ASIC2: variants seen among roughly 807,000 people sequenced by gnomAD.
The protein encoded by ASIC2 is acid-sensing ion channel 2.
ASIC2 carries 25 observed loss-of-function variants against 57.3 expected under a neutral mutation model. That is an observed-to-expected ratio of 0.44 (90% CI 0.32 to 0.61). The LOEUF (loss-of-function observed/expected upper bound fraction) is 0.61. ASIC2 is among the 20% of genes least tolerant of loss of function. The probability of loss-of-function intolerance (pLI) is 0.06; values close to 1 mark genes in which losing one functional copy is unlikely to be tolerated. For missense variants in ASIC2, 641 were observed against 738.1 expected, an observed-to-expected ratio of 0.87 and a Z score of 1.52; for synonymous variants, 319 against 307.5, an observed-to-expected ratio of 1.04 and a Z score of -0.39.
intron 1 of ASIC2, among the ~76,000 whole-genome samples, chr17:33,847,191 A>G (rs1913632722): frequency 6.6e-6 from 1 of 151,508 alleles, no homozygotes; most frequent in South Asian, 2.1e-4. Flanking sequence ...CTTACAGGAG[A>G]AAGTTTCTAG....
At chr17:33,325,930 T>G (rs1000955457) in intron 1 of ASIC2, among the ~76,000 whole-genome samples, 2 of 152,192 alleles carry the variant, frequency 1.3e-5, no homozygotes, top group Admixed American at 1.3e-4. Flanking sequence ...ATCATCCATT[T>G]CTGAGATGGG....
chr17:34,089,559 T>C (rs1254055567), intron 1 of ASIC2, among the ~76,000 whole-genome samples: 1 of 152,188 alleles, frequency 6.6e-6, no homozygotes, highest in African/African-American at 2.4e-5. Context: ...CCACTTGCTT[T>C]GTTAGAAAAA....
At chr17:33,070,369 C>T (rs1054066210) in intron 3 of ASIC2, among the ~76,000 whole-genome samples, 5 of 143,670 alleles carry the variant, frequency 3.5e-5, no homozygotes, top group East Asian at 2.0e-4. Context: ...GACAGAGTCT[C>T]GCTCTGTCAC....
At chr17:33,028,856 C>T (rs1004081114) in intron 3 of ASIC2, among the ~76,000 whole-genome samples, 9 of 152,192 alleles carry the variant, frequency 5.9e-5, no homozygotes, top group East Asian at 1.9e-4. Context: ...ACCTGGAGGA[C>T]GAAACCCAGA....
chr17:33,800,701 A>G (rs929247415), intron 1 of ASIC2, among the ~76,000 whole-genome samples: 4 of 152,174 alleles, frequency 2.6e-5, no homozygotes, highest in African/African-American at 9.7e-5. Flanking sequence ...GGAGATTCCT[A>G]TTATTATAAA....
chr17:33,871,597 C>A (rs867758052), intron 1 of ASIC2, among the ~76,000 whole-genome samples: 17 of 152,104 alleles, frequency 1.1e-4, no homozygotes, highest in African/African-American at 3.6e-4. Flanking sequence ...GGAGAGAGGA[C>A]CCTCCCACCC....
chr17:33,141,898 G>T (rs1405509396), intron 1 of ASIC2, among the ~76,000 whole-genome samples: 2 of 151,120 alleles, frequency 1.3e-5, no homozygotes, highest in East Asian at 3.9e-4. Flanking sequence ...AACTATACAG[G>T]GTGTCCATGA....
At chr17:34,101,395 A>G (rs1289254918) in intron 1 of ASIC2, among the ~76,000 whole-genome samples, 1 of 152,162 alleles carries the variant, frequency 6.6e-6, no homozygotes, top group African/African-American at 2.4e-5. Context: ...TCCAGTTCAC[A>G]CAGTACTTTT....
At chr17:33,224,556 T>C (rs1273206960) in intron 1 of ASIC2, among the ~76,000 whole-genome samples, 1 of 152,146 alleles carries the variant, frequency 6.6e-6, no homozygotes, top group Non-Finnish European at 1.5e-5. Flanking sequence ...TGGATCAATA[T>C]CGAATGAATG....
At chr17:33,075,822 T>C (rs2092087109) in intron 3 of ASIC2, among the ~76,000 whole-genome samples, 1 of 152,110 alleles carries the variant, frequency 6.6e-6, no homozygotes, top group Admixed American at 6.5e-5. Context: ...GAAGGACCCA[T>C]TGTCTTTACA....
intron 1 of ASIC2, among the ~76,000 whole-genome samples, chr17:33,174,055 A>G (rs546765185): frequency 6.6e-6 from 1 of 152,290 alleles, no homozygotes; most frequent in African/African-American, 2.4e-5. Flanking sequence ...AGCCTTGAAG[A>G]CAACCAGGTG....
At chr17:33,444,054 T>G (rs373852007) in intron 1 of ASIC2, among the ~76,000 whole-genome samples, 1 of 152,226 alleles carries the variant, frequency 6.6e-6, no homozygotes, top group Non-Finnish European at 1.5e-5. Flanking sequence ...AGACTCCCTC[T>G]GTTCTTACCT....
intron 1 of ASIC2, among the ~76,000 whole-genome samples, chr17:33,573,755 A>G (rs1597791097): frequency 1.3e-5 from 2 of 152,242 alleles, no homozygotes; most frequent in African/African-American, 4.8e-5. Flanking sequence ...TAACAGAGAC[A>G]GGGTTTTGCC....
chr17:34,109,243 T>C (rs914330574), intron 1 of ASIC2, among the ~76,000 whole-genome samples: 7 of 152,196 alleles, frequency 4.6e-5, no homozygotes, highest in South Asian at 2.1e-4. Flanking sequence ...TTGAGGATTA[T>C]GCATGTAGAC....
intron 1 of ASIC2, among the ~76,000 whole-genome samples, chr17:33,612,717 C>A (rs1277284186): frequency 6.6e-6 from 1 of 152,208 alleles, no homozygotes; most frequent in African/African-American, 2.4e-5. Flanking sequence ...AACCTTGAAG[C>A]AACAAGAGGG....
At chr17:34,110,110 A>G (rs1911216117) in intron 1 of ASIC2, among the ~76,000 whole-genome samples, 1 of 152,148 alleles carries the variant, frequency 6.6e-6, no homozygotes, top group Non-Finnish European at 1.5e-5. Context: ...CCTTCCCTCC[A>G]ATCTTTTTCC....
intron 1 of ASIC2, among the ~76,000 whole-genome samples, chr17:33,992,349 A>G (rs542897543): frequency 1.3e-5 from 2 of 152,284 alleles, no homozygotes; most frequent in African/African-American, 4.8e-5. Context: ...CCATTAGAGA[A>G]AAACAAAAGG....
intron 1 of ASIC2, among the ~76,000 whole-genome samples, chr17:33,464,670 C>CTCTCT (rs1912796178): frequency 8.1e-6 from 1 of 122,736 alleles, no homozygotes; most frequent in African/African-American, 3.2e-5. Flanking sequence ...TCTCTCTCTC[C>CTCTCT]CTCTCTCTCT....
At chr17:34,035,572 A>C (rs1252892285) in intron 1 of ASIC2, among the ~76,000 whole-genome samples, 1 of 152,022 alleles carries the variant, frequency 6.6e-6, no homozygotes, top group Non-Finnish European at 1.5e-5. Flanking sequence ...CATCAAAAGA[A>C]ACTACCATCG....
Sources: gnomAD v4.1 joint callset for allele counts (sites outside exome capture counted in the v4.1 genomes callset) on GRCh38, gnomAD v4.1.1 for gene constraint, MANE v1.5 for transcripts, NCBI Gene and HGNC (gene_info 2026-07-23, HGNC 2026-07-21) for gene names.